PELI2: variants seen among roughly 807,000 people sequenced by gnomAD.
The protein encoded by PELI2 is pellino E3 ubiquitin protein ligase family member 2.
Under a neutral mutation model 42.3 loss-of-function variants are expected in PELI2, and 23 were observed. The observed-to-expected ratio is 0.54, with a 90% confidence interval of 0.39 to 0.77. The LOEUF is 0.77. Ranked by LOEUF, PELI2 falls within the 30% of genes least tolerant of loss-of-function variation. PELI2 has a pLI of 0.00. For missense variants in PELI2, 463 were observed against 553.2 expected, an observed-to-expected ratio of 0.84 and a Z score of 1.64; for synonymous variants, 245 against 212.2, an observed-to-expected ratio of 1.15 and a Z score of -1.34.
intron 2 of PELI2, among the ~76,000 whole-genome samples, chr14:56,224,518 G>T (rs1410367376): frequency 6.6e-6 from 1 of 152,166 alleles, no homozygotes; most frequent in Non-Finnish European, 1.5e-5. Context: ...AGGGCCATCT[G>T]TTCAAAGTTC....
intron 1 of PELI2, among the ~76,000 whole-genome samples, chr14:56,172,254 C>T (rs1412862943): frequency 2.0e-5 from 3 of 152,190 alleles, no homozygotes; most frequent in Non-Finnish European, 2.9e-5. Context: ...GATGGCTTCA[C>T]TCATGTCTGC....
rs78450746 is a variant in PELI2, at chr14:56,179,761, G to A, written c.207+1297G>A. Reference sequence around the variant, plus strand: ...ACTCCAAAAATATGTGGTGAAGAACGATACCAAAACAGATGTTTTTAAGCA... The same window carrying A: ...ACTCCAAAAATATGTGGTGAAGAACAATACCAAAACAGATGTTTTTAAGCA... On this transcript the variant is annotated intron_variant, in intron 2 of 5. Transcript: ENST00000267460. Among the ~76,000 whole-genome samples, 1,059 of 152,244 alleles carry A rather than the reference G, an allele frequency of 7.0e-3. 16 individuals carry two copies. The highest frequency in any genetic ancestry group is 0.024 in the African/African-American group (988 of 41,544).
chr14:56,166,321 T>C (rs959486906), intron 1 of PELI2, among the ~76,000 whole-genome samples: 2 of 152,226 alleles, frequency 1.3e-5, no homozygotes, highest in African/African-American at 4.8e-5. Flanking sequence ...TTATGTCTTA[T>C]TGTACTGACT....
intron 1 of PELI2, among the ~76,000 whole-genome samples, chr14:56,128,308 G>A (rs12882094): frequency 0.41 from 61,898 of 151,996 alleles, 13,135 homozygotes; most frequent in South Asian, 0.52. Flanking sequence ...AGGGTGTAGC[G>A]GGATGGTGGG....
chr14:56,178,414 G>T lies in PELI2; in HGVS notation c.157G>T (p.Gly53Cys). Residue 53 changes from glycine to cysteine, a missense_variant, in exon 2 of 6, where the codon GGT becomes TGT. Coordinates refer to ENST00000267460, the MANE Select transcript of PELI2 (RefSeq NM_021255.3). ...FALYKRPKANGVKPSTVHVIS... is the reference protein window; with the variant it reads ...FALYKRPKANCVKPSTVHVIS... Reference sequence around the variant, plus strand: ...CCTCTACAAGCGGCCCAAGGCAAATGGTGTCAAACCCAGCACCGTCCATGT... The same window carrying T: ...CCTCTACAAGCGGCCCAAGGCAAATTGTGTCAAACCCAGCACCGTCCATGT... The T allele has an allele frequency of 6.2e-7, 1 of 1,614,170 alleles. No homozygotes were observed. The highest frequency in any genetic ancestry group is 8.5e-7 in the Non-Finnish European group (1 of 1,180,010).
In PELI2 at chr14:56,301,473, G is replaced by A. The variant is rs940568035; in HGVS notation, c.*4307G>A. The A allele has an allele frequency of 2.0e-5, 3 of 152,266 alleles. No homozygotes were observed. The highest frequency in any genetic ancestry group is 1.3e-4 in the Admixed American group (2 of 15,266). The allele number at this position is 152,266 out of a possible 1,614,324, so 9.4% of individuals were successfully genotyped here. The stretch of plus-strand genomic sequence containing the variant: ...TCTGCACAATACATATTTAAACCTT[G>A]ATTCTGAAAATCCCCTACATTTTTT... On this transcript the variant is annotated 3_prime_UTR_variant, in exon 6 of 6. Transcript: ENST00000267460.
intron 1 of PELI2, among the ~76,000 whole-genome samples, chr14:56,163,944 A>G (rs114131581): frequency 6.6e-6 from 1 of 152,254 alleles, no homozygotes; most frequent in African/African-American, 2.4e-5. Flanking sequence ...GATGAATTCT[A>G]ATAGTTTTCT....
At chr14:56,267,980 C>A (rs938544695) in intron 2 of PELI2, among the ~76,000 whole-genome samples, 7 of 152,152 alleles carry the variant, frequency 4.6e-5, no homozygotes, top group Non-Finnish European at 8.8e-5. Context: ...CATTGGGTAT[C>A]TTAGTATAAA....
intron 2 of PELI2, among the ~76,000 whole-genome samples, chr14:56,184,014 CT>C (rs200516799): frequency 1.3e-5 from 2 of 151,234 alleles, no homozygotes; most frequent in Admixed American, 6.6e-5. Context: ...AACCACTTAA[CT>C]TTTTTTTTGG....
At chr14:56,266,893 T>G (rs1159977958) in intron 2 of PELI2, among the ~76,000 whole-genome samples, 1 of 152,068 alleles carries the variant, frequency 6.6e-6, no homozygotes, top group Non-Finnish European at 1.5e-5. Flanking sequence ...TTAAAAAGAA[T>G]GAGACAACAC....
chr14:56,164,262 A>G (rs1884871958), intron 1 of PELI2, among the ~76,000 whole-genome samples: 1 of 152,058 alleles, frequency 6.6e-6, no homozygotes, highest in African/African-American at 2.4e-5. Flanking sequence ...GGGATGTTGA[A>G]TTTTGTCAAA....
intron 5 of PELI2, among the ~76,000 whole-genome samples, chr14:56,295,751 G>A (rs1889979616): frequency 6.6e-6 from 1 of 152,198 alleles, no homozygotes; most frequent in Non-Finnish European, 1.5e-5. Context: ...GGAGAGCCAG[G>A]GTTCAAACCC....
chr14:56,162,290 A>G (rs1276799247), intron 1 of PELI2, among the ~76,000 whole-genome samples: 1 of 151,824 alleles, frequency 6.6e-6, no homozygotes, highest in Non-Finnish European at 1.5e-5. Flanking sequence ...ACTGGTGACC[A>G]TCTTTCTACT....
chr14:56,172,307 G>A (rs566770744), intron 1 of PELI2, among the ~76,000 whole-genome samples: 3 of 152,280 alleles, frequency 2.0e-5, no homozygotes, highest in South Asian at 4.1e-4. Flanking sequence ...TGCTGGGACC[G>A]CTGAGCAGAG....
chr14:56,182,525 C>T (rs1298846206), intron 2 of PELI2, among the ~76,000 whole-genome samples: 1 of 151,918 alleles, frequency 6.6e-6, no homozygotes, highest in Non-Finnish European at 1.5e-5. Flanking sequence ...ATGGTTTTCC[C>T]TTCTCAGATT....
At chr14:56,258,477 A>G (rs1008583268) in intron 2 of PELI2, among the ~76,000 whole-genome samples, 5 of 152,174 alleles carry the variant, frequency 3.3e-5, no homozygotes, top group Admixed American at 1.3e-4. Flanking sequence ...TATATTCTCT[A>G]TGACGTGGAA....
intron 2 of PELI2, among the ~76,000 whole-genome samples, chr14:56,187,553 A>T (rs1318090539): frequency 1.3e-5 from 2 of 152,192 alleles, no homozygotes. Flanking sequence ...AGGGAGGATC[A>T]TTGAGGTACC....
intron 2 of PELI2, among the ~76,000 whole-genome samples, chr14:56,194,605 T>C (rs1377738496): frequency 6.6e-6 from 1 of 152,230 alleles, no homozygotes; most frequent in East Asian, 1.9e-4. Flanking sequence ...AAATATACTT[T>C]GAAGGTAATG....
Position 56,297,245 on chromosome 14 carries a change from G to GT in PELI2, c.*80dup. On this transcript the variant is annotated 3_prime_UTR_variant, in exon 6 of 6. Coordinates refer to ENST00000267460, the MANE Select transcript of PELI2 (RefSeq NM_021255.3). The stretch of plus-strand genomic sequence containing the variant: ...CACTAACTCTAGATTTTACCTTTTT[G>GT]TAATGCTGTTTATCAGAGGAGGGTG... 1.1e-6 allele frequency: 1 copy of GT among 931,354 alleles called. No homozygotes were observed. The highest frequency in any genetic ancestry group is 1.6e-6 in the Non-Finnish European group (1 of 618,096). 57.7% of individuals were successfully genotyped at this position (931,354 alleles called of 1,614,324 possible). A position where few individuals can be genotyped will look rare whatever the true frequency, so the allele number is the denominator to read the frequency against.
Sources: allele counts gnomAD v4.1 joint callset (sites outside exome capture counted in the v4.1 genomes callset), GRCh38; gene constraint gnomAD v4.1.1; transcripts MANE v1.5; gene names NCBI Gene and HGNC (gene_info 2026-07-23, HGNC 2026-07-21).